The following ADGRL3 variants were observed in gnomAD, a reference collection of about 807,000 sequenced individuals.
The protein encoded by ADGRL3 is calcium-independent alpha-latrotoxin receptor 3.
In ADGRL3, 62 loss-of-function variants were observed where a neutral mutation model predicts 153.5. The observed-to-expected ratio is 0.40, with a 90% confidence interval of 0.33 to 0.50. The LOEUF (loss-of-function observed/expected upper bound fraction) is 0.50. Among genes scored for constraint, ADGRL3 ranks in the 20% least tolerant of loss-of-function variants. The pLI, the probability that ADGRL3 is intolerant of heterozygous loss-of-function variation, is 0.47. For synonymous variants in ADGRL3, 710 were observed against 672.5 expected, an observed-to-expected ratio of 1.06 and a Z score of -0.86; for missense variants, 1,641 against 1,859.4, an observed-to-expected ratio of 0.88 and a Z score of 2.16.
chr4:62,044,256 G>A (rs74472440), intron 24 of ADGRL3, among the ~76,000 whole-genome samples, 197 bp from the exon 25 acceptor site: 4,218 of 152,002 alleles, frequency 0.028, 74 homozygotes, highest in Non-Finnish European at 0.043. Flanking sequence ...TAGGAATACA[G>A]TTAATGAGAA....
chr4:62,026,610 C>A (rs184019559), intron 21 of ADGRL3, among the ~76,000 whole-genome samples: 1 of 151,880 alleles, frequency 6.6e-6, no homozygotes, highest in East Asian at 1.9e-4. Flanking sequence ...TTTTTAAAAA[C>A]GTTTTTATAG....
At chr4:61,318,314 GA>G in intron 1 of ADGRL3, among the ~76,000 whole-genome samples, 1 of 151,416 alleles carries the variant, frequency 6.6e-6, no homozygotes, top group East Asian at 1.9e-4. Flanking sequence ...TTTGGAGGAA[GA>G]CTCATAAACA....
rs749056943 is a variant in ADGRL3, at chr4:62,070,198, G to A, written c.3922G>A (p.Gly1308Ser). Reference protein sequence around the residue: ...NHGNSYSIASGEYLSNCVQII... With the variant: ...NHGNSYSIASSEYLSNCVQII... ...TGGCAATAGTTACAGCATTGCCAGC[G>A]GCGAATACCTGAGCAACTGTGTGCA... Residue 1308 changes from glycine (G) to serine (S), a missense_variant, in exon 27 of 27, where the codon GGC (glycine) becomes AGC (serine). By Grantham distance (56) the Gly-to-Ser change is moderately conservative (BLOSUM62 0). This residue lies in a region of ADGRL3 where 517 missense variants were observed against 555.0 expected (regional missense o/e 0.93). Transcript: ENST00000683033. The A allele has an allele frequency of 1.1e-5, 17 of 1,613,698 alleles. No homozygotes were observed. Among genetic ancestry groups the A allele is most frequent in the South Asian group, 4.4e-5 (4 of 91,078 alleles).
chr4:61,394,857 G>C (rs1256034435), intron 2 of ADGRL3, among the ~76,000 whole-genome samples: 3 of 152,018 alleles, frequency 2.0e-5, no homozygotes, highest in African/African-American at 7.2e-5. Context: ...TGTTGGCTTT[G>C]CTGCCAAAAT....
intron 21 of ADGRL3, among the ~76,000 whole-genome samples, chr4:61,999,758 GT>G (rs1393623740): frequency 9.2e-5 from 14 of 152,060 alleles, no homozygotes; most frequent in Non-Finnish European, 1.8e-4. Context: ...AGTGACTAAG[GT>G]GTATTGACAT....
chr4:61,467,327 G>T (rs561597224), intron 2 of ADGRL3, among the ~76,000 whole-genome samples: 4 of 152,112 alleles, frequency 2.6e-5, no homozygotes, highest in South Asian at 2.1e-4. Flanking sequence ...TGACATTCAC[G>T]TTCTATTCTT....
intron 6 of ADGRL3, among the ~76,000 whole-genome samples, chr4:61,696,317 G>T (rs1317635935): frequency 3.3e-5 from 5 of 152,098 alleles, no homozygotes; most frequent in Admixed American, 6.6e-5. Flanking sequence ...TACTTTCTAG[G>T]ATAGGGTTTT....
chr4:61,531,371 T>TAGA (rs2098612996), intron 4 of ADGRL3, among the ~76,000 whole-genome samples: 1 of 152,160 alleles, frequency 6.6e-6, no homozygotes, highest in Admixed American at 6.5e-5. Context: ...CTGGGCTTTG[T>TAGA]AGAAGCTGCT....
chr4:61,879,503 G>C (rs2098496835), intron 9 of ADGRL3, among the ~76,000 whole-genome samples: 1 of 152,038 alleles, frequency 6.6e-6, no homozygotes, highest in Non-Finnish European at 1.5e-5. Flanking sequence ...TAATAATTTT[G>C]TGGACACATC....
chr4:61,967,531 T>C (rs901605456), intron 17 of ADGRL3, among the ~76,000 whole-genome samples: 1 of 152,200 alleles, frequency 6.6e-6, no homozygotes, highest in African/African-American at 2.4e-5. Flanking sequence ...TGGAATGCTT[T>C]TGATTTTACT....
chr4:61,738,152 C>T (rs2096541010), intron 8 of ADGRL3, among the ~76,000 whole-genome samples: 1 of 152,086 alleles, frequency 6.6e-6, no homozygotes. Flanking sequence ...TAGCTTAGCT[C>T]CCACTTGTGA....
At chr4:62,060,570 T>G (rs1265077333) in intron 25 of ADGRL3, among the ~76,000 whole-genome samples, 1 of 151,940 alleles carries the variant, frequency 6.6e-6, no homozygotes, top group Admixed American at 6.6e-5. Flanking sequence ...TTTTACTTTT[T>G]TACTTGAAAA....
intron 5 of ADGRL3, among the ~76,000 whole-genome samples, chr4:61,644,301 CTGATTT>C (rs1387895120): frequency 6.8e-6 from 1 of 146,726 alleles, no homozygotes; most frequent in African/African-American, 2.5e-5. Context: ...CAGTTCTGCT[CTGATTT>C]TAGTTATTTC....
At chr4:61,686,586 C>A (rs1264414984) in intron 6 of ADGRL3, among the ~76,000 whole-genome samples, 5 of 151,992 alleles carry the variant, frequency 3.3e-5, no homozygotes, top group African/African-American at 1.2e-4. Flanking sequence ...GTGTAATGAT[C>A]AAATCAGGGA....
chr4:62,058,478 A>T (rs1738254093), intron 25 of ADGRL3, among the ~76,000 whole-genome samples: 1 of 152,156 alleles, frequency 6.6e-6, no homozygotes, highest in Non-Finnish European at 1.5e-5. Flanking sequence ...TACTTAAACA[A>T]ATATTTTTTG....
intron 1 of ADGRL3, among the ~76,000 whole-genome samples, chr4:61,295,354 A>G (rs2094373112): frequency 6.6e-6 from 1 of 152,118 alleles, no homozygotes; most frequent in Non-Finnish European, 1.5e-5. Context: ...TAATTTATAA[A>G]TTTACCTTTA....
chr4:62,046,530 A>C (rs938127913), intron 25 of ADGRL3, among the ~76,000 whole-genome samples: 10 of 152,100 alleles, frequency 6.6e-5, no homozygotes, highest in Middle Eastern at 3.4e-3. Flanking sequence ...TTGGCCGGTC[A>C]TATGTTTAAG....
chr4:61,971,961 A>G (rs969110959), intron 17 of ADGRL3, among the ~76,000 whole-genome samples: 2 of 152,046 alleles, frequency 1.3e-5, no homozygotes, highest in African/African-American at 4.8e-5. Context: ...TCTTCTTTTG[A>G]GAAGTATCTG....
intron 1 of ADGRL3, among the ~76,000 whole-genome samples, chr4:61,286,866 T>G (rs2093960041): frequency 6.6e-6 from 1 of 151,834 alleles, no homozygotes; most frequent in African/African-American, 2.4e-5. Flanking sequence ...TACATTTCTT[T>G]TCTTAGAGGT....
Sources: allele counts gnomAD v4.1 joint callset (sites outside exome capture counted in the v4.1 genomes callset), GRCh38; gene constraint gnomAD v4.1.1; regional missense constraint gnomAD v4.1.1; transcripts MANE v1.5; gene names NCBI Gene and HGNC (gene_info 2026-07-23, HGNC 2026-07-21).